The following SF3B1 variants were observed in gnomAD, a reference collection of about 807,000 sequenced individuals.
The protein encoded by SF3B1 is pre-mRNA processing 10.
In SF3B1, 12 loss-of-function variants were observed where a neutral mutation model predicts 153.8. The observed-to-expected ratio is 0.08, with a 90% CI of 0.05 to 0.13. SF3B1 has a LOEUF of 0.13. SF3B1 is among the 10% of genes least tolerant of loss of function. The pLI is 1.00. For synonymous variants in SF3B1, 498 were observed against 525.2 expected, an observed-to-expected ratio of 0.95 and a Z score of 0.71; for missense variants, 513 against 1,606.1, an observed-to-expected ratio of 0.32 and a Z score of 11.63.
intron 1 of SF3B1, among the ~76,000 whole-genome samples, chr2:197,433,832 G>T (rs1362115120): frequency 6.6e-6 from 1 of 152,160 alleles, no homozygotes; most frequent in East Asian, 1.9e-4. Context: ...ATGTTCTCAG[G>T]CTCAGATGTC....
chr2:197,397,177 G>GT (rs551081941), intron 22 of SF3B1, among the ~76,000 whole-genome samples: 4 of 151,942 alleles, frequency 2.6e-5, no homozygotes, highest in South Asian at 4.2e-4. Context: ...CATTTTTGTT[G>GT]TTTTTTTTAG....
At chr2:197,393,230 T>C (rs747441097) in intron 23 of SF3B1, 42 bp from the exon 24 acceptor site, 43 of 1,316,976 alleles carry the variant, frequency 3.3e-5, no homozygotes, top group South Asian at 1.2e-4. Context: ...TGCGGTCTTA[T>C]AAGAAAGGGG....
At chr2:197,396,694 A>AGT (rs2084878023) in intron 22 of SF3B1, among the ~76,000 whole-genome samples, 2 of 152,244 alleles carry the variant, frequency 1.3e-5, no homozygotes, top group African/African-American at 2.4e-5. Context: ...AATGGGCACT[A>AGT]GAACTAGGTA....
intron 1 of SF3B1, among the ~76,000 whole-genome samples, chr2:197,431,665 G>A (rs2085439565): frequency 6.6e-6 from 1 of 151,994 alleles, no homozygotes; most frequent in African/African-American, 2.4e-5. Flanking sequence ...AAAATACAAG[G>A]CTTCTAAAAG....
At chr2:197,420,958 G>T in intron 3 of SF3B1, 71 bp downstream of exon 3, 1 of 902,998 alleles carries the variant, frequency 1.1e-6, no homozygotes, top group Non-Finnish European at 1.7e-6. Context: ...AAAATTTATG[G>T]ATTTCTATGG....
At chr2:197,393,922 G>A (rs1392702651) in intron 23 of SF3B1, among the ~76,000 whole-genome samples, 3 of 152,114 alleles carry the variant, frequency 2.0e-5, no homozygotes, top group Admixed American at 6.5e-5. Context: ...GGTGGCTCAT[G>A]TCTGTAATCC....
At position 197,401,710 on chromosome 2, in the gene SF3B1, C is replaced by T. The variant is rs2105984033; in HGVS notation, c.2370+32G>A. ...ATTCTGTTAGAACCATGAAACATAT[C>T]CAGTTTACATTAACAAATCTGGAAT... On this transcript the variant is annotated intron_variant, in intron 16 of 24. Transcript: ENST00000335508. This position sits in a 1 kb window ranked among gnomAD's most constrained non-coding sequence, Gnocchi z 4.2. The T allele has an allele frequency of 6.3e-7, 1 of 1,589,938 alleles. No individual in the cohort carries two copies.
At chr2:197,423,081 A>G (rs1334878559) in intron 2 of SF3B1, among the ~76,000 whole-genome samples, 1 of 151,970 alleles carries the variant, frequency 6.6e-6, no homozygotes, top group Non-Finnish European at 1.5e-5. Flanking sequence ...AAGCTCATCA[A>G]TATCAGTACT....
In SF3B1 at chr2:197,397,841, A is replaced by AGGTCAGT. The variant is rs1273515039; in HGVS notation, c.3266+137_3266+143dup. The stretch of plus-strand genomic sequence containing the variant: ...TTAACAATACATTCCAATAATCAGA[A>AGGTCAGT]GGTCAGTGGTTAAATGAAGAGCTTT... On this transcript the variant is annotated intron_variant, in intron 22 of 24. Coordinates refer to ENST00000335508, the MANE Select transcript of SF3B1 (RefSeq NM_012433.4). 1.4e-5 allele frequency: 7 copies of AGGTCAGT among 514,646 alleles called. No homozygotes were observed. In the African/African-American group the frequency reaches 1.4e-4, roughly 10 times the overall value. 31.9% of individuals were successfully genotyped at this position (514,646 alleles called of 1,614,324 possible).
intron 1 of SF3B1, among the ~76,000 whole-genome samples, chr2:197,430,649 T>C (rs1242934816): frequency 6.6e-6 from 1 of 152,184 alleles, no homozygotes; most frequent in Admixed American, 6.6e-5. Flanking sequence ...AGATAGGGTT[T>C]CACCATGTTG....
At position 197,408,425 on chromosome 2, in the gene SF3B1, G is replaced by A; in HGVS notation, c.1061C>T (p.Thr354Ile). ...SQMGGSTPVL[T>I]PGKTPIGTPA... Reference sequence around the variant, plus strand: ...TGTGCCAATTGGTGTCTTTCCAGGGGTCAGAACTGGAGTGCTTCCACCCAT... The same window carrying A: ...TGTGCCAATTGGTGTCTTTCCAGGGATCAGAACTGGAGTGCTTCCACCCAT... Residue 354 changes from threonine to isoleucine, a missense_variant, in exon 8 of 25, where the codon ACC (threonine) becomes ATC (isoleucine). Physicochemically the swap from Thr to Ile is moderately conservative, Grantham distance 89. Transcript: ENST00000335508. 1.2e-6 allele frequency: 2 copies of A among 1,614,110 alleles called. No homozygotes were observed. The highest frequency in any genetic ancestry group is 1.1e-5 in the South Asian group (1 of 91,086).
intron 1 of SF3B1, among the ~76,000 whole-genome samples, chr2:197,430,449 TA>T (rs1253714495): frequency 6.6e-6 from 1 of 151,996 alleles, no homozygotes; most frequent in Non-Finnish European, 1.5e-5. Context: ...CTACTCACGG[TA>T]GTTTTTTTTG....
chr2:197,409,855 T>G lies in SF3B1; in HGVS notation c.819A>C (p.Thr273=). ...CATGGCCTGGTGTCGCATGGCCTGGTGTATCACCTCGTCCAGGAGTAGCAG... is the reference window on the plus strand; with the variant it reads ...CATGGCCTGGTGTCGCATGGCCTGGGGTATCACCTCGTCCAGGAGTAGCAG... ...AGAATPGRGD[T]PGHATPGHGG... is the part of the protein sequence containing the mutation. The change falls in exon 7 of 25, where the codon ACA becomes ACC. Residue 273 remains threonine (T), a synonymous_variant. Transcript: ENST00000335508. 6.2e-7 allele frequency: 1 copy of G among 1,614,132 alleles called. No homozygotes were observed. Among genetic ancestry groups the G allele is most frequent in the Admixed American group, 1.7e-5 (1 of 60,012 alleles).
rs147889392 is a variant in SF3B1, at chr2:197,411,323, A to G, written c.667-1316T>C. Among the ~76,000 whole-genome samples the G allele has an allele frequency of 2.6e-3, 398 of 152,338 alleles. 5 individuals are homozygous for G. Among genetic ancestry groups the G allele is most frequent in the African/African-American group, 9.2e-3 (384 of 41,570 alleles). On this transcript the variant is annotated intron_variant, in intron 6 of 24. Coordinates refer to ENST00000335508, the MANE Select transcript of SF3B1 (RefSeq NM_012433.4). ...AAGAAAACAAAATTTGTACTTATAT[A>G]CTGCCTCGTAAGTATTCCACAGGAT...
At chr2:197,432,890 G>T (rs181746413) in intron 1 of SF3B1, among the ~76,000 whole-genome samples, 17 of 152,152 alleles carry the variant, frequency 1.1e-4, no homozygotes, top group Admixed American at 4.6e-4. Context: ...AATAAAAAAA[G>T]AAATGTTTGA....
At chr2:197,408,833 G>T in intron 7 of SF3B1, 2 of 477,206 alleles carry the variant, frequency 4.2e-6, no homozygotes, top group Non-Finnish European at 7.6e-6. Context: ...TGAAGCAAAA[G>T]AATCACTTGA....
At chr2:197,412,997 A>T (rs953976638) in intron 6 of SF3B1, among the ~76,000 whole-genome samples, 1 of 146,238 alleles carries the variant, frequency 6.8e-6, no homozygotes, top group African/African-American at 2.5e-5. Flanking sequence ...AAAAAAAAAG[A>T]TATCAGCTCT....
At chr2:197,420,278 G>C (rs2085218907) in intron 4 of SF3B1, 150 bp downstream of exon 4, 1 of 515,214 alleles carries the variant, frequency 1.9e-6, no homozygotes, top group Non-Finnish European at 3.5e-6. Context: ...TGGCATCTGT[G>C]ACTTCAACCA....
Position 197,401,210 on chromosome 2 carries a change from A to G in SF3B1, c.2496+190T>C, listed in dbSNP as rs541355019. ...AGACAAAAACATCAATTCACAGTTA[A>G]GTATTAATCCTCGAATCCAAAATCA... is the stretch of plus-strand genomic sequence containing the variant. On this transcript the variant is annotated intron_variant, in intron 17 of 24. Coordinates refer to ENST00000335508, the MANE Select transcript of SF3B1 (RefSeq NM_012433.4). This position sits in a 1 kb window ranked among gnomAD's most constrained non-coding sequence, Gnocchi z 4.2. 2.3e-3 allele frequency among the ~76,000 whole-genome samples: 349 copies of G among 152,346 alleles called. 1 individual carries two copies. Among genetic ancestry groups the G allele is most frequent in the African/African-American group, 8.0e-3 (332 of 41,584 alleles).
Sources: allele counts gnomAD v4.1 joint callset (sites outside exome capture counted in the v4.1 genomes callset), GRCh38; gene constraint gnomAD v4.1.1; non-coding constraint Gnocchi (gnomAD v3.1); transcripts MANE v1.5; gene names NCBI Gene and HGNC (gene_info 2026-07-23, HGNC 2026-07-21).